Variants in MN1 observed in about 807,000 individuals in gnomAD.
MN1 encodes MN1 proto-oncogene, transcriptional regulator, also known as transcriptional activator MN1.
A neutral mutation model predicts 86.9 loss-of-function variants in MN1; 19 were observed. The ratio of observed to expected loss-of-function variants is 0.22; its 90% confidence interval spans 0.15 to 0.32. MN1 has a LOEUF of 0.32. Ranked by LOEUF, MN1 falls within the 10% of genes least tolerant of loss-of-function variation. The probability of loss-of-function intolerance (pLI) is 1.00; values close to 1 mark genes in which losing one functional copy is unlikely to be tolerated. For missense variants in MN1, 1,841 were observed against 1,862.0 expected (o/e 0.99, Z 0.21); for synonymous variants, 928 against 849.6 (o/e 1.09, Z -1.60).
At chr22:27,752,145 A>T (rs1932770706) in intron 1 of MN1, among the ~76,000 whole-genome samples, 1 of 152,152 alleles carries the variant, frequency 6.6e-6, no homozygotes, top group African/African-American at 2.4e-5. Flanking sequence ...TGGCTGAGAG[A>T]ATCCAGTTGT....
chr22:27,768,650 T>C (rs1461579776), intron 1 of MN1, among the ~76,000 whole-genome samples: 14 of 152,048 alleles, frequency 9.2e-5, no homozygotes, highest in Admixed American at 9.2e-4. Flanking sequence ...TAAATAAAAT[T>C]TGAAAATTGG....
At chr22:27,766,241 A>C (rs752814272) in intron 1 of MN1, among the ~76,000 whole-genome samples, 3 of 152,174 alleles carry the variant, frequency 2.0e-5, no homozygotes, top group Non-Finnish European at 4.4e-5. Context: ...TCCCCACCTC[A>C]AATTATCCTG....
chr22:27,751,228 C>T (rs1354591031), intron 1 of MN1, 132 bp from the exon 2 acceptor site: 1 of 599,154 alleles, frequency 1.7e-6, no homozygotes, highest in East Asian at 3.3e-5. Context: ...TAAAGCTGGT[C>T]CCAGAGGATC....
At position 27,798,221 on chromosome 22, in the gene MN1, T is replaced by C. The variant is rs763561368; in HGVS notation, c.2323A>G (p.Ser775Gly). The change falls in exon 1 of 2, where the codon AGC becomes GGC. Residue 775 changes from serine (S) to glycine (G), a missense_variant. Physicochemically the swap from Ser to Gly is moderately conservative, Grantham distance 56. Transcript: ENST00000302326. ...SPPSAGGGGG[S>G]SGGGGGGGAY... ...CCCCCGCCACCGCCGCCACCAGAGCTGCCACCGCCCCCTCCCGCGCTGGGG... is the reference window on the plus strand; with the variant it reads ...CCCCCGCCACCGCCGCCACCAGAGCCGCCACCGCCCCCTCCCGCGCTGGGG... The C allele has an allele frequency of 4.6e-5, 70 of 1,525,528 alleles. No individual in the cohort carries two copies. In the East Asian group the frequency reaches 5.6e-4, roughly 12 times the overall value. 94.5% of individuals were successfully genotyped at this position (1,525,528 alleles called of 1,614,324 possible).
At position 27,798,533 on chromosome 22, in the gene MN1, C is replaced by A; in HGVS notation, c.2011G>T (p.Gly671Cys). 1 of 1,521,972 alleles carries A rather than the reference C, an allele frequency of 6.6e-7. No homozygotes were observed. Among genetic ancestry groups the A allele is most frequent in the South Asian group, 1.3e-5 (1 of 78,836 alleles). 94.3% of individuals were successfully genotyped at this position (1,521,972 alleles called of 1,614,324 possible). Residue 671 changes from glycine (G) to cysteine (C), a missense_variant, in exon 1 of 2, where the codon GGC becomes TGC. Gly to Cys is a radical substitution (Grantham distance 159, BLOSUM62 -3). Coordinates refer to ENST00000302326, the MANE Select transcript of MN1 (RefSeq NM_002430.3). ...PSLAPPPPPG[G>C]SGVLFRGPLQ... The stretch of plus-strand genomic sequence containing the variant: ...GGGCCCCGGAACAGCACCCCCGAGC[C>A]ACCAGGCGGAGGAGGGGGCGCCAGG...
intron 1 of MN1, among the ~76,000 whole-genome samples, chr22:27,788,933 T>G (rs1003446639): frequency 2.0e-5 from 3 of 152,172 alleles, no homozygotes; most frequent in African/African-American, 7.2e-5. Flanking sequence ...TCCCAAGTGT[T>G]GAGATCAAAC....
chr22:27,774,413 G>A (rs1487064980), intron 1 of MN1, among the ~76,000 whole-genome samples: 4 of 152,176 alleles, frequency 2.6e-5, no homozygotes. Context: ...GCACAGAGAG[G>A]TGAAGCAACT....
intron 1 of MN1, among the ~76,000 whole-genome samples, chr22:27,776,484 A>G (rs2075443422): frequency 6.6e-6 from 1 of 152,062 alleles, no homozygotes; most frequent in Admixed American, 6.5e-5. Flanking sequence ...ACAGAGCACA[A>G]TCCAAAGTCT....
chr22:27,784,389 T>C (rs981818117), intron 1 of MN1, among the ~76,000 whole-genome samples: 1 of 152,158 alleles, frequency 6.6e-6, no homozygotes, highest in African/African-American at 2.4e-5. Context: ...GTGGATGGAC[T>C]GTCAAAAAAC....
At chr22:27,763,737 A>G (rs566998477) in intron 1 of MN1, among the ~76,000 whole-genome samples, 9 of 152,350 alleles carry the variant, frequency 5.9e-5, no homozygotes, top group African/African-American at 2.2e-4. Flanking sequence ...CACTGAGCTC[A>G]GAGAGGTGAA....
intron 1 of MN1, among the ~76,000 whole-genome samples, chr22:27,768,487 A>G (rs1932887405): frequency 6.6e-6 from 1 of 152,212 alleles, no homozygotes; most frequent in African/African-American, 2.4e-5. Context: ...GCCAAGCAAC[A>G]GGCTTTTACC....
In MN1 at chr22:27,798,691, A is replaced by G; in HGVS notation, c.1853T>C (p.Phe618Ser). ...CGCCAAGTGCGGCGCCTGCTGCTCGAAGGTGCCCAGACGCCCGGCGCCCGT... is the reference window on the plus strand; with the variant it reads ...CGCCAAGTGCGGCGCCTGCTGCTCGGAGGTGCCCAGACGCCCGGCGCCCGT... ...GSTGAGRLGT[F>S]EQQAPHLAQE... The change falls in exon 1 of 2, where the codon TTC (phenylalanine) becomes TCC (serine). Residue 618 changes from phenylalanine to serine, a missense_variant. Phe to Ser is a radical substitution (Grantham distance 155). Transcript: ENST00000302326. 1.3e-6 allele frequency: 2 copies of G among 1,539,122 alleles called. No homozygotes were observed. Among genetic ancestry groups the G allele is most frequent in the Non-Finnish European group, 1.7e-6 (2 of 1,149,772 alleles).
chr22:27,795,722 T>TACAC lies in MN1; in HGVS notation c.3781+1037_3781+1040dup, dbSNP rs138609901. On this transcript the variant is annotated intron_variant, in intron 1 of 1. Coordinates refer to ENST00000302326, the MANE Select transcript of MN1 (RefSeq NM_002430.3). ...ATACCTATATATACACCTATATATA[T>TACAC]ACACACACACACACACACGCACTTT... Among the ~76,000 whole-genome samples the TACAC allele has an allele frequency of 7.5e-4, 113 of 150,620 alleles. 1 individual carries two copies. The highest frequency in any genetic ancestry group is 2.5e-3 in the South Asian group (12 of 4,740).
At chr22:27,776,732 C>T (rs544545516) in intron 1 of MN1, among the ~76,000 whole-genome samples, 1 of 151,338 alleles carries the variant, frequency 6.6e-6, no homozygotes, top group South Asian at 2.1e-4. Flanking sequence ...AGCATACATG[C>T]CCCCCCTCAC....
Position 27,800,645 on chromosome 22 carries a change from G to A in MN1, c.-102C>T, listed in dbSNP as rs1311526440. Reference sequence around the variant, plus strand: ...TTCCAGCCCAGGATTGGGCGCTCCGGGACGCTCAGCACCGCGGGGGCTCAG... The same window carrying A: ...TTCCAGCCCAGGATTGGGCGCTCCGAGACGCTCAGCACCGCGGGGGCTCAG... On this transcript the variant is annotated 5_prime_UTR_variant, in exon 1 of 2. Coordinates refer to ENST00000302326, the MANE Select transcript of MN1 (RefSeq NM_002430.3). 2 of 1,560,260 alleles carry A rather than the reference G, an allele frequency of 1.3e-6. No homozygotes were observed. The highest frequency in any genetic ancestry group is 1.8e-5 in the Admixed American group (1 of 55,872).
chr22:27,791,979 C>T (rs188930160), intron 1 of MN1: 21 of 152,372 alleles, frequency 1.4e-4, no homozygotes, highest in African/African-American at 5.1e-4. Flanking sequence ...CTGGTCCTGC[C>T]GGACTATTTA....
chr22:27,765,477 A>G (rs577748511), intron 1 of MN1, among the ~76,000 whole-genome samples: 4 of 152,332 alleles, frequency 2.6e-5, no homozygotes, highest in African/African-American at 9.6e-5. Context: ...CTGAAGCCGA[A>G]TGAGTCAGCC....
Position 27,799,892 on chromosome 22 carries a change from C to T in MN1, c.652G>A (p.Glu218Lys). The T allele has an allele frequency of 6.2e-7, 1 of 1,603,322 alleles. No homozygotes were observed. The highest frequency in any genetic ancestry group is 8.5e-7 in the Non-Finnish European group (1 of 1,176,378). Residue 218 changes from glutamate to lysine, a missense_variant, in exon 1 of 2, where the codon GAG becomes AAG. Physicochemically the swap from Glu to Lys is moderately conservative, Grantham distance 56 (BLOSUM62 1). Coordinates refer to ENST00000302326, the MANE Select transcript of MN1 (RefSeq NM_002430.3). ...SSSGSDSHSLEPRRVTNQGAV... is the reference protein window; with the variant it reads ...SSSGSDSHSLKPRRVTNQGAV... ...CCTTGGTTCGTCACCCTCCGTGGCTCCAGACTGTGGGAATCGGAGCCGCTG... is the reference window on the plus strand; with the variant it reads ...CCTTGGTTCGTCACCCTCCGTGGCTTCAGACTGTGGGAATCGGAGCCGCTG...
At position 27,798,678 on chromosome 22, in the gene MN1, C is replaced by T; in HGVS notation, c.1866G>A (p.Ala622=). 6.5e-7 allele frequency: 1 copy of T among 1,542,070 alleles called. No homozygotes were observed. Among genetic ancestry groups the T allele is most frequent in the Non-Finnish European group, 8.7e-7 (1 of 1,151,884 alleles). ...AGRLGTFEQQ[A]PHLAQESAWF... ...ACGCGCTCTCTTGCGCCAAGTGCGG[C>T]GCCTGCTGCTCGAAGGTGCCCAGAC... The change falls in exon 1 of 2, where the codon GCG becomes GCA. Residue 622 remains alanine (A), a synonymous_variant. Transcript: ENST00000302326.
Sources: gnomAD v4.1 joint callset for allele counts (sites outside exome capture counted in the v4.1 genomes callset) on GRCh38, gnomAD v4.1.1 for gene constraint, MANE v1.5 for transcripts, NCBI Gene and HGNC (gene_info 2026-07-23, HGNC 2026-07-21) for gene names.